Variants in SLC14A2 observed in about 807,000 individuals in gnomAD.
The protein encoded by SLC14A2 is urea transporter 2.
Under a neutral mutation model 104.6 loss-of-function variants are expected in SLC14A2, and 91 were observed. The observed-to-expected ratio is 0.87, with a 90% confidence interval of 0.73 to 1.04. The LOEUF (loss-of-function observed/expected upper bound fraction) is 1.04, where lower values mean the gene tolerates loss of function less well. Ranked by LOEUF, SLC14A2 falls within the 50% of genes least tolerant of loss-of-function variation. SLC14A2 has a pLI of 0.00. For missense variants in SLC14A2, 1,189 were observed against 1,156.0 expected (o/e 1.03, Z -0.41); for synonymous variants, 476 against 466.4 (o/e 1.02, Z -0.27).
chr18:45,225,310 G>A lies in SLC14A2; in HGVS notation c.-125+12119G>A, dbSNP rs557515613. Among the ~76,000 whole-genome samples the A allele has an allele frequency of 1.2e-3, 186 of 152,104 alleles. 1 individual carries two copies. Among genetic ancestry groups the A allele is most frequent in the Middle Eastern group, 6.8e-3 (2 of 294 alleles). ...AAAGATCAGATGGTTGTAGATGTGTGGTATTATTTCTGAGGGCTCTGTTCT... is the reference window on the plus strand; with the variant it reads ...AAAGATCAGATGGTTGTAGATGTGTAGTATTATTTCTGAGGGCTCTGTTCT... On this transcript the variant is annotated intron_variant, in intron 1 of 20. Coordinates refer to the SLC14A2 transcript ENST00000586448.
chr18:45,250,539 T>C (rs1225924547), intron 1 of SLC14A2, among the ~76,000 whole-genome samples: 1 of 152,246 alleles, frequency 6.6e-6, no homozygotes, highest in East Asian at 1.9e-4. Flanking sequence ...CCATCGTTGC[T>C]GTACTCACTT....
At chr18:45,389,984 C>T (rs1408074561) in intron 1 of SLC14A2, among the ~76,000 whole-genome samples, 5 of 152,212 alleles carry the variant, frequency 3.3e-5, no homozygotes, top group African/African-American at 1.2e-4. Flanking sequence ...AAACCTAAAA[C>T]TGCTCCAAAT....
intron 2 of SLC14A2, among the ~76,000 whole-genome samples, chr18:45,526,385 T>C (rs1351223093): frequency 6.6e-6 from 1 of 152,226 alleles, no homozygotes; most frequent in Non-Finnish European, 1.5e-5. Context: ...GGCAGGCTTT[T>C]CTGAAGGCAT....
intron 1 of SLC14A2, among the ~76,000 whole-genome samples, chr18:45,301,210 A>G (rs1161776815): frequency 6.6e-6 from 1 of 152,218 alleles, no homozygotes. Flanking sequence ...AGGCTCAGTG[A>G]GGACGAGGAA....
chr18:45,211,219 CA>C (rs1352391324), upstream of SLC14A2, among the ~76,000 whole-genome samples: 3 of 152,174 alleles, frequency 2.0e-5, no homozygotes, highest in Non-Finnish European at 4.4e-5. Flanking sequence ...CTTGACAGCA[CA>C]ACCAACATAT....
intron 1 of SLC14A2, among the ~76,000 whole-genome samples, chr18:45,300,699 A>G (rs967458680): frequency 4.6e-5 from 7 of 152,204 alleles, no homozygotes; most frequent in Admixed American, 2.0e-4. Context: ...TTTTACATAC[A>G]TGATTAATCC....
chr18:45,655,161 C>T (rs1471713812), intron 10 of SLC14A2, among the ~76,000 whole-genome samples: 1 of 152,220 alleles, frequency 6.6e-6, no homozygotes, highest in East Asian at 1.9e-4. Context: ...CTTTTACATA[C>T]TCAGATTACT....
intron 4 of SLC14A2, among the ~76,000 whole-genome samples, chr18:45,629,015 A>G (rs1469907825): frequency 6.6e-6 from 1 of 152,222 alleles, no homozygotes; most frequent in Non-Finnish European, 1.5e-5. Flanking sequence ...TGCCACAGCC[A>G]GTGGGTGGCA....
intron 16 of SLC14A2, among the ~76,000 whole-genome samples, chr18:45,671,904 A>G (rs1167467755): frequency 6.6e-6 from 1 of 152,148 alleles, no homozygotes; most frequent in Non-Finnish European, 1.5e-5. Context: ...GGAAGCCCGC[A>G]TTTCCAGGAT....
chr18:45,506,109 G>A (rs2043280292), intron 2 of SLC14A2, among the ~76,000 whole-genome samples: 1 of 152,354 alleles, frequency 6.6e-6, no homozygotes, highest in African/African-American at 2.4e-5. Context: ...CTTTGAGGCT[G>A]CAGGGGGACC....
intron 1 of SLC14A2, among the ~76,000 whole-genome samples, chr18:45,361,982 C>A (rs1422170737): frequency 1.3e-5 from 2 of 152,132 alleles, no homozygotes; most frequent in Non-Finnish European, 2.9e-5. Flanking sequence ...GTGTTCCCAC[C>A]CAAATCTCAT....
chr18:45,670,401 G>T (rs1025873711), intron 16 of SLC14A2, among the ~76,000 whole-genome samples: 3 of 152,094 alleles, frequency 2.0e-5, no homozygotes, highest in South Asian at 2.1e-4. Context: ...ATCTAACAAG[G>T]CACGTTTTCT....
intron 1 of SLC14A2, among the ~76,000 whole-genome samples, chr18:45,312,881 G>A (rs915175647): frequency 2.0e-5 from 3 of 152,204 alleles, no homozygotes; most frequent in African/African-American, 7.2e-5. Flanking sequence ...CAGAGGGGCG[G>A]GGTATGTGCT....
intron 2 of SLC14A2, among the ~76,000 whole-genome samples, chr18:45,520,576 G>T (rs1568256270): frequency 6.6e-6 from 1 of 152,174 alleles, no homozygotes; most frequent in Non-Finnish European, 1.5e-5. Flanking sequence ...AATAAACTTT[G>T]CATGTCAAAT....
intron 2 of SLC14A2, among the ~76,000 whole-genome samples, chr18:45,547,448 G>T (rs747067320): frequency 6.6e-6 from 1 of 152,126 alleles, no homozygotes; most frequent in East Asian, 1.9e-4. Flanking sequence ...CAAGAGAGCC[G>T]CAGAACAGGG....
intron 1 of SLC14A2, among the ~76,000 whole-genome samples, chr18:45,309,938 G>A (rs549868803): frequency 4.2e-4 from 63 of 151,068 alleles, no homozygotes; most frequent in African/African-American, 1.3e-3. Context: ...CAACAATATC[G>A]GTCTGCATTT....
intron 1 of SLC14A2, among the ~76,000 whole-genome samples, chr18:45,421,160 C>A (rs1209758594): frequency 1.3e-5 from 2 of 151,918 alleles, no homozygotes; most frequent in Non-Finnish European, 1.5e-5. Context: ...AATCAAGAAC[C>A]TAAAATGTAT....
chr18:45,310,298 A>G (rs958834164), intron 1 of SLC14A2, among the ~76,000 whole-genome samples: 5 of 152,230 alleles, frequency 3.3e-5, no homozygotes, highest in Admixed American at 6.5e-5. Context: ...TGTTATGCCC[A>G]CCAGCAGTCA....
intron 2 of SLC14A2, among the ~76,000 whole-genome samples, chr18:45,562,098 G>A (rs951103177): frequency 7.9e-5 from 12 of 152,102 alleles, no homozygotes; most frequent in African/African-American, 2.4e-4. Context: ...GAGACTCCCC[G>A]TTCCAGTTCA....
Sources: allele counts gnomAD v4.1 joint callset (sites outside exome capture counted in the v4.1 genomes callset), GRCh38; gene constraint gnomAD v4.1.1; transcripts MANE v1.5; gene names NCBI Gene and HGNC (gene_info 2026-07-23, HGNC 2026-07-21).